USH2A: variants seen among roughly 807,000 people sequenced by gnomAD.
USH2A encodes usherin.
Under a neutral mutation model 538.9 loss-of-function variants are expected in USH2A, and 443 were observed. The observed-to-expected ratio is 0.82, with a 90% CI of 0.76 to 0.89. The LOEUF (loss-of-function observed/expected upper bound fraction) is 0.89, where lower values mean the gene tolerates loss of function less well. USH2A is among the 40% of genes least tolerant of loss of function. The pLI, the probability that USH2A is intolerant of heterozygous loss-of-function variation, is 0.00. For synonymous variants in USH2A, 2,413 were observed against 2,273.5 expected, an observed-to-expected ratio of 1.06 and a Z score of -1.75; for missense variants, 6,633 against 6,324.8, an observed-to-expected ratio of 1.05 and a Z score of -1.65.
intron 58 of USH2A, among the ~76,000 whole-genome samples, chr1:215,745,829 GA>G (rs1433521925): frequency 6.6e-6 from 1 of 152,164 alleles, no homozygotes; most frequent in Non-Finnish European, 1.5e-5. Flanking sequence ...ATAGGTTTGA[GA>G]AAATTTGTGC....
chr1:216,377,851 GAAAGAAAGAA>G (rs1310594372), intron 3 of USH2A, among the ~76,000 whole-genome samples: 1 of 133,812 alleles, frequency 7.5e-6, no homozygotes, highest in South Asian at 2.5e-4. Flanking sequence ...AAGAAAGAAA[GAAAGAAAGAA>G]AGAAAGAAGG....
intron 38 of USH2A, among the ~76,000 whole-genome samples, chr1:215,915,935 C>T (rs778469900): frequency 6.7e-5 from 10 of 150,102 alleles, no homozygotes; most frequent in Non-Finnish European, 1.3e-4. Context: ...ACTATCACAA[C>T]AACAAAAAAC....
chr1:215,744,007 G>A (rs1012096385), intron 58 of USH2A, among the ~76,000 whole-genome samples: 3 of 151,928 alleles, frequency 2.0e-5, no homozygotes, highest in Non-Finnish European at 4.4e-5. Context: ...AAAAATGAAG[G>A]CACATTTCAC....
At chr1:216,381,304 T>C (rs969922489) in intron 3 of USH2A, among the ~76,000 whole-genome samples, 6 of 152,020 alleles carry the variant, frequency 3.9e-5, no homozygotes, top group African/African-American at 1.2e-4. Context: ...TCAAAGTACA[T>C]AGAAGGACAA....
At chr1:215,934,826 T>C (rs1157450124) in intron 37 of USH2A, 31 bp from the exon 38 acceptor site, 2 of 1,552,612 alleles carry the variant, frequency 1.3e-6, no homozygotes, top group Non-Finnish European at 1.8e-6. Flanking sequence ...TTAAAATAAA[T>C]ACATATTTAA....
chr1:215,975,926 G>T (rs1667610399), intron 35 of USH2A, among the ~76,000 whole-genome samples: 1 of 152,094 alleles, frequency 6.6e-6, no homozygotes, highest in Non-Finnish European at 1.5e-5. Context: ...CCATTTTAGT[G>T]ATTATTGATT....
chr1:216,293,294 G>T (rs1266155814), intron 9 of USH2A, among the ~76,000 whole-genome samples: 1 of 152,168 alleles, frequency 6.6e-6, no homozygotes, highest in Non-Finnish European at 1.5e-5. Flanking sequence ...AAAGTGCTGG[G>T]ATTACAGGCG....
intron 64 of USH2A, among the ~76,000 whole-genome samples, chr1:215,658,796 A>G (rs1212267758): frequency 1.3e-5 from 2 of 152,250 alleles, no homozygotes; most frequent in African/African-American, 4.8e-5. Flanking sequence ...CTGTTCAAAC[A>G]TGTGTAAATG....
rs1235008050 is a variant in USH2A at position 216,324,189 on chromosome 1, A to G, written c.1307T>C (p.Val436Ala). 1 of 1,613,156 alleles carries G rather than the reference A, an allele frequency of 6.2e-7. No homozygotes were observed. Among genetic ancestry groups the G allele is most frequent in the South Asian group, 1.1e-5 (1 of 91,038 alleles). The change falls in exon 7 of 72, where the codon GTC becomes GCC. Residue 436 changes from valine to alanine, a missense_variant. Transcript: ENST00000307340. ...ATACTTGGAAAGCTGAAGACAGTTG[A>G]CAGAATCAGGTTTTTCCAAATCTCC... ...NNGDLEKPDS[V>A]NCLQLSNFTP...
chr1:216,123,051 A>T (rs1310472183), intron 21 of USH2A, among the ~76,000 whole-genome samples: 1 of 152,196 alleles, frequency 6.6e-6, no homozygotes. Context: ...ACTGAGCTGA[A>T]TATGTCATTT....
chr1:216,122,898 A>G (rs557365830), intron 21 of USH2A, among the ~76,000 whole-genome samples: 1 of 152,332 alleles, frequency 6.6e-6, no homozygotes, highest in East Asian at 1.9e-4. Context: ...GGTCAGATGT[A>G]CTAGTGTAGT....
chr1:216,415,255 A>G (rs935863504), intron 3 of USH2A, among the ~76,000 whole-genome samples: 5 of 152,086 alleles, frequency 3.3e-5, no homozygotes, highest in Non-Finnish European at 5.9e-5. Flanking sequence ...CATTTTGTTC[A>G]TCTAGTTCAA....
intron 3 of USH2A, among the ~76,000 whole-genome samples, chr1:216,390,908 T>G (rs1216096118): frequency 6.6e-6 from 1 of 152,188 alleles, no homozygotes; most frequent in African/African-American, 2.4e-5. Context: ...GTTATTTTTA[T>G]TAAAATAATT....
intron 61 of USH2A, among the ~76,000 whole-genome samples, chr1:215,695,829 C>A (rs1421454214): frequency 1.3e-5 from 2 of 152,182 alleles, no homozygotes; most frequent in African/African-American, 2.4e-5. Flanking sequence ...TTGGCCACTG[C>A]AACCTCTGCC....
At chr1:216,292,424 AT>A (rs1210591653) in intron 9 of USH2A, 54 bp from the exon 10 acceptor site, 3 of 1,572,882 alleles carry the variant, frequency 1.9e-6, no homozygotes, top group Non-Finnish European at 2.6e-6. Flanking sequence ...ATTTTCTTTC[AT>A]TTTATTGATA....
chr1:215,834,351 C>A (rs1663414267), intron 47 of USH2A, among the ~76,000 whole-genome samples: 2 of 152,136 alleles, frequency 1.3e-5, no homozygotes, highest in Admixed American at 1.3e-4. Flanking sequence ...CAAAAACTGA[C>A]AACTACTAGT....
At chr1:216,366,221 A>G (rs1290587278) in intron 3 of USH2A, among the ~76,000 whole-genome samples, 1 of 152,098 alleles carries the variant, frequency 6.6e-6, no homozygotes, top group Non-Finnish European at 1.5e-5. Context: ...AGTGAGATTT[A>G]AGGTCATGCA....
intron 19 of USH2A, among the ~76,000 whole-genome samples, chr1:216,191,501 G>A (rs11801909): frequency 6.6e-6 from 1 of 151,854 alleles, no homozygotes; most frequent in Non-Finnish European, 1.5e-5. Context: ...TAAAACTCTA[G>A]GAATAATTTA....
intron 61 of USH2A, among the ~76,000 whole-genome samples, chr1:215,705,215 T>C (rs1659151981): frequency 6.6e-6 from 1 of 152,244 alleles, no homozygotes; most frequent in Non-Finnish European, 1.5e-5. Flanking sequence ...ATCACTTAGA[T>C]GTGTATTTTA....
Sources: gnomAD v4.1 joint callset for allele counts (sites outside exome capture counted in the v4.1 genomes callset) on GRCh38, gnomAD v4.1.1 for gene constraint, MANE v1.5 for transcripts, NCBI Gene and HGNC (gene_info 2026-07-23, HGNC 2026-07-21) for gene names.